The following PAK1 variants were observed in gnomAD, a reference collection of about 807,000 sequenced individuals.
PAK1 encodes serine/threonine-protein kinase PAK 1.
Under a neutral mutation model 67.4 loss-of-function variants are expected in PAK1, and 29 were observed. The ratio of observed to expected loss-of-function variants is 0.43; its 90% CI spans 0.32 to 0.59. PAK1 has a LOEUF of 0.59. PAK1 is among the 20% of genes least tolerant of loss of function. The pLI is 0.07. For synonymous variants in PAK1, 223 were observed against 237.4 expected (o/e 0.94, Z 0.56); for missense variants, 337 against 670.7 (o/e 0.50, Z 5.50).
chr11:77,362,536 T>C (rs995152516), intron 5 of PAK1, among the ~76,000 whole-genome samples: 1 of 152,172 alleles, frequency 6.6e-6, no homozygotes, highest in Non-Finnish European at 1.5e-5. Flanking sequence ...TCAACTAGCT[T>C]AGGATCAAAT....
At chr11:77,331,813 T>C (rs1350972575) in intron 14 of PAK1, among the ~76,000 whole-genome samples, 3 of 136,544 alleles carry the variant, frequency 2.2e-5, no homozygotes, top group Non-Finnish European at 5.0e-5. Flanking sequence ...AAAAAAAGAA[T>C]TAAAAAAAAA....
chr11:77,405,674 GACACACACAC>G (rs1555167119), intron 1 of PAK1, among the ~76,000 whole-genome samples: 17 of 126,000 alleles, frequency 1.3e-4, no homozygotes, highest in East Asian at 1.3e-3. Context: ...CAGACAGACA[GACACACACAC>G]ACACACACAC....
chr11:77,486,812 G>T, the PAK1 span, among the ~76,000 whole-genome samples: 7 of 152,228 alleles, frequency 4.6e-5, no homozygotes, highest in African/African-American at 1.7e-4. Flanking sequence ...GTTCCAGCAA[G>T]CCTCATCATT....
At chr11:77,499,224 T>C in the PAK1 span, among the ~76,000 whole-genome samples, 3 of 152,010 alleles carry the variant, frequency 2.0e-5, no homozygotes, top group East Asian at 1.9e-4. Flanking sequence ...ATATCTATTG[T>C]TAACATTTTT....
chr11:77,403,238 T>C (rs1455292352), intron 1 of PAK1, among the ~76,000 whole-genome samples: 1 of 152,222 alleles, frequency 6.6e-6, no homozygotes, highest in Non-Finnish European at 1.5e-5. Flanking sequence ...CTTTGCAGAC[T>C]ACTATTCACT....
intron 6 of PAK1, chr11:77,356,056 A>G (rs1180223342): frequency 2.1e-6 from 1 of 466,842 alleles, no homozygotes; most frequent in Non-Finnish European, 3.8e-6. Context: ...AAGAAGTGAG[A>G]GTCTCAGCAC....
chr11:77,397,460 G>A (rs1951982631), intron 1 of PAK1, among the ~76,000 whole-genome samples: 1 of 152,186 alleles, frequency 6.6e-6, no homozygotes. Flanking sequence ...GTAATTTGAT[G>A]TTTCTCGCTA....
intron 1 of PAK1, among the ~76,000 whole-genome samples, chr11:77,465,298 G>A (rs1356059038): frequency 6.6e-6 from 1 of 152,066 alleles, no homozygotes; most frequent in Non-Finnish European, 1.5e-5. Flanking sequence ...ATTCCAGTTT[G>A]TAACTTCCCA....
chr11:77,349,919 G>T (rs1945002533), intron 8 of PAK1, among the ~76,000 whole-genome samples: 1 of 152,000 alleles, frequency 6.6e-6, no homozygotes, highest in South Asian at 2.1e-4. Context: ...CCAGGGTGTC[G>T]GTAATGTTCT....
chr11:77,402,255 G>A (rs149499115), intron 1 of PAK1, among the ~76,000 whole-genome samples: 35 of 152,302 alleles, frequency 2.3e-4, no homozygotes, highest in African/African-American at 6.3e-4. Flanking sequence ...AAGAATGAGA[G>A]GCAGCAAAGT....
chr11:77,418,300 T>C (rs1955078736), intron 1 of PAK1, among the ~76,000 whole-genome samples: 1 of 152,182 alleles, frequency 6.6e-6, no homozygotes, highest in African/African-American at 2.4e-5. Context: ...AATGATGATC[T>C]AGCGTACCCT....
rs1025723418 is a variant in PAK1, at chr11:77,463,432, G to A, written c.-22+10120C>T. On this transcript the variant is annotated intron_variant, in intron 1 of 14. Coordinates refer to ENST00000356341, the MANE Select transcript of PAK1 (RefSeq NM_002576.5). ...GTATAAAATGAAACAGTTTCAAGAA[G>A]AGTCAGCCTACAGGAAAATTTTTAT... 2.0e-5 allele frequency among the ~76,000 whole-genome samples: 3 copies of A among 152,214 alleles called. No homozygotes were observed. In the South Asian group the frequency reaches 6.2e-4, roughly 32 times the overall value.
Position 77,365,808 on chromosome 11 carries a change from G to A in PAK1, c.478-6791C>T, listed in dbSNP as rs538791491. Among the ~76,000 whole-genome samples, 122 of 151,974 alleles carry A rather than the reference G, an allele frequency of 8.0e-4. 3 individuals carry two copies. The South Asian group carries it at 0.025, about 31-fold the overall frequency. ...AGATCGCACCACTGTACTCCAGCCT[G>A]GGCGACAGAGCGAGACTCCGTCTCA... On this transcript the variant is annotated intron_variant, in intron 5 of 14. Coordinates refer to ENST00000356341, the MANE Select transcript of PAK1 (RefSeq NM_002576.5).
At chr11:77,324,762 CACACACACACACACAG>C (rs1432933100) in intron 14 of PAK1, among the ~76,000 whole-genome samples, 4 of 133,070 alleles carry the variant, frequency 3.0e-5, no homozygotes, top group African/African-American at 7.9e-5. Flanking sequence ...CACACACACA[CACACACACACACACAG>C]AGAGAGAGAG....
intron 5 of PAK1, among the ~76,000 whole-genome samples, chr11:77,360,774 G>A (rs765255169): frequency 4.3e-4 from 66 of 152,282 alleles, no homozygotes; most frequent in Non-Finnish European, 6.5e-4. Flanking sequence ...CCTTGGGCAA[G>A]GGTCTAAGTT....
At chr11:77,487,876 G>A in the PAK1 span, among the ~76,000 whole-genome samples, 15 of 152,172 alleles carry the variant, frequency 9.9e-5, no homozygotes, top group African/African-American at 3.4e-4. Context: ...TGAAGAGAAG[G>A]ACACAAGCCT....
At chr11:77,424,758 T>C (rs745778969) in intron 1 of PAK1, among the ~76,000 whole-genome samples, 42 of 152,354 alleles carry the variant, frequency 2.8e-4, no homozygotes, top group Admixed American at 9.8e-4. Context: ...CCATCTCTGA[T>C]GCAGTCCTTA....
intron 5 of PAK1, among the ~76,000 whole-genome samples, chr11:77,372,180 A>G (rs1332161023): frequency 2.6e-5 from 4 of 152,228 alleles, no homozygotes; most frequent in Admixed American, 2.6e-4. Flanking sequence ...AAAAGCATAA[A>G]GACATTTGAG....
chr11:77,341,286 T>C (rs2602469), intron 10 of PAK1, among the ~76,000 whole-genome samples: 37,634 of 151,676 alleles, frequency 0.25, 5,700 homozygotes, highest in South Asian at 0.45. Context: ...ATTTACTAAA[T>C]AAATCACTGA....
Sources: gnomAD v4.1 joint callset for allele counts (sites outside exome capture counted in the v4.1 genomes callset) on GRCh38, gnomAD v4.1.1 for gene constraint, MANE v1.5 for transcripts, NCBI Gene and HGNC (gene_info 2026-07-23, HGNC 2026-07-21) for gene names.